The following NSUN7 variants were observed in gnomAD, a reference collection of about 807,000 sequenced individuals.
The protein encoded by NSUN7 is protein NSUN7.
A neutral mutation model predicts 58.5 loss-of-function variants in NSUN7; 39 were observed. The ratio of observed to expected loss-of-function variants is 0.67; its 90% confidence interval spans 0.52 to 0.87. NSUN7 has a LOEUF of 0.87. Ranked by LOEUF, NSUN7 falls within the 40% of genes least tolerant of loss-of-function variation. The pLI, the probability that NSUN7 is intolerant of heterozygous loss-of-function variation, is 0.00. For missense variants in NSUN7, 765 were observed against 844.1 expected, an observed-to-expected ratio of 0.91 and a Z score of 1.16; for synonymous variants, 278 against 303.7, an observed-to-expected ratio of 0.92 and a Z score of 0.88.
At chr4:40,799,032 G>A in intron 10 of NSUN7, 128 bp downstream of exon 10, 1 of 241,970 alleles carries the variant, frequency 4.1e-6, no homozygotes, top group Non-Finnish European at 7.4e-6. Context: ...AAAATTGCCT[G>A]ACTTCTTACA....
rs550187000 is a variant in NSUN7, at chr4:40,755,364, A to G, written c.298+4373A>G. On this transcript the variant is annotated intron_variant, in intron 2 of 11. Transcript: ENST00000381782. ...CGGCCTCCCAAAATGCTGGGATTAC[A>G]GGCGTGAGCCACCGTGCCTGGCCTA... is the stretch of plus-strand genomic sequence containing the variant. Among the ~76,000 whole-genome samples, 4 of 152,296 alleles carry G rather than the reference A, an allele frequency of 2.6e-5. No individual in the cohort carries two copies. In the South Asian group the frequency reaches 8.3e-4, roughly 32 times the overall value.
chr4:40,780,994 T>G (rs906842841), intron 7 of NSUN7, among the ~76,000 whole-genome samples: 1 of 150,944 alleles, frequency 6.6e-6, no homozygotes, highest in Non-Finnish European at 1.5e-5. Context: ...TTTTTTGTAT[T>G]TTTTTAGTAG....
At chr4:40,792,189 GA>G (rs1293619913) in intron 8 of NSUN7, among the ~76,000 whole-genome samples, 1 of 151,844 alleles carries the variant, frequency 6.6e-6, no homozygotes, top group African/African-American at 2.4e-5. Context: ...AAGGGGGAAG[GA>G]AAAAAGGGGG....
Position 40,809,728 on chromosome 4 carries a change from TTTCTGA to T in NSUN7, c.*794_*799del, listed in dbSNP as rs1744086826. 1.3e-5 allele frequency: 2 copies of T among 152,076 alleles called. No individual in the cohort carries two copies. The highest frequency in any genetic ancestry group is 1.3e-4 in the Admixed American group (2 of 15,254). The allele number at this position is 152,076 out of a possible 1,614,324, so 9.4% of individuals were successfully genotyped here. On this transcript the variant is annotated 3_prime_UTR_variant, in exon 12 of 12. Transcript: ENST00000381782. ...ACCTATTGTTGAAGAAACCCACAAA[TTTCTGA>T]TTCTAAGATCAGGGGATACAACAAA...
intron 5 of NSUN7, 90 bp downstream of exon 5, chr4:40,774,507 G>T (rs878873824): frequency 7.7e-7 from 1 of 1,306,094 alleles, no homozygotes. Context: ...AGAGGTGGGG[G>T]TGGCACATCT....
intron 7 of NSUN7, among the ~76,000 whole-genome samples, chr4:40,780,581 T>C (rs1742480965): frequency 6.7e-6 from 1 of 149,778 alleles, no homozygotes; most frequent in South Asian, 2.1e-4. Flanking sequence ...CGCTCTAACC[T>C]GAGTGACAGA....
Position 40,760,152 on chromosome 4 carries a change from C to T in NSUN7, c.299-282C>T, listed in dbSNP as rs556340328. Among the ~76,000 whole-genome samples the T allele has an allele frequency of 3.9e-5, 6 of 152,230 alleles. No homozygotes were observed. In the South Asian group the frequency reaches 1.0e-3, roughly 26 times the overall value. The stretch of plus-strand genomic sequence containing the variant: ...ATCCTCTTTAATATTTTTCAAAGGC[C>T]ATACATTAAAGATTGGAATCCTTTT... On this transcript the variant is annotated intron_variant, in intron 2 of 11. Transcript: ENST00000381782.
chr4:40,750,748 A>G lies in NSUN7; in HGVS notation c.55A>G (p.Ile19Val), dbSNP rs1473568376. ...TTCGAACGAAGAAGATCCCGAGATC[A>G]TCTCCCAACTCACTTCCCTGCCTCT... is the stretch of plus-strand genomic sequence containing the variant. ...EFSNEEDPEI[I>V]SQLTSLPLSG... Residue 19 changes from isoleucine to valine, a missense_variant, in exon 2 of 12, where the codon ATC (isoleucine) becomes GTC (valine). Physicochemically the swap from Ile to Val is conservative, Grantham distance 29 (BLOSUM62 3). Coordinates refer to ENST00000381782, the MANE Select transcript of NSUN7 (RefSeq NM_024677.6). 2 of 1,614,142 alleles carry G rather than the reference A, an allele frequency of 1.2e-6. No individual in the cohort carries two copies. The highest frequency in any genetic ancestry group is 1.7e-6 in the Non-Finnish European group (2 of 1,179,994).
chr4:40,777,653 C>T (rs2154287809), intron 7 of NSUN7, among the ~76,000 whole-genome samples: 1 of 152,348 alleles, frequency 6.6e-6, no homozygotes, highest in South Asian at 2.1e-4. Flanking sequence ...ATATCTACCA[C>T]TCAATTTTAT....
In NSUN7 at chr4:40,808,582, C is replaced by G. The variant is rs747062722; in HGVS notation, c.1800C>G (p.Ser600=). 2 of 1,551,544 alleles carry G rather than the reference C, an allele frequency of 1.3e-6. No individual in the cohort carries two copies. The highest frequency in any genetic ancestry group is 1.4e-5 in the African/African-American group (1 of 72,966). The change falls in exon 12 of 12, where the codon TCC becomes TCG. Residue 600 remains serine, a synonymous_variant. Transcript: ENST00000381782. The part of the protein sequence containing the change: ...PQKNTAQVGA[S]SQTRKPNKLA... Reference sequence around the variant, plus strand: ...AAAATACTGCTCAAGTGGGGGCTTCCTCACAGACCAGAAAACCCAACAAGC... The same window carrying G: ...AAAATACTGCTCAAGTGGGGGCTTCGTCACAGACCAGAAAACCCAACAAGC...
chr4:40,806,508 T>G (rs1288151742), intron 10 of NSUN7, among the ~76,000 whole-genome samples: 2 of 152,168 alleles, frequency 1.3e-5, no homozygotes, highest in Non-Finnish European at 2.9e-5. Flanking sequence ...GATTTGAGAT[T>G]TTTCTGACAC....
Position 40,808,946 on chromosome 4 carries a change from T to C in NSUN7, c.*7T>C. On this transcript the variant is annotated 3_prime_UTR_variant, in exon 12 of 12. Coordinates refer to ENST00000381782, the MANE Select transcript of NSUN7 (RefSeq NM_024677.6). ...TCCTCGGCGATGGCTTTGATTGTCTTGTGTTTTTTATAGGGGCCAAAGAGC... is the reference window on the plus strand; with the variant it reads ...TCCTCGGCGATGGCTTTGATTGTCTCGTGTTTTTTATAGGGGCCAAAGAGC... 6.6e-7 allele frequency: 1 copy of C among 1,505,946 alleles called. No individual in the cohort carries two copies. The highest frequency in any genetic ancestry group is 1.2e-5 in the South Asian group (1 of 80,794). The allele number at this position is 1,505,946 out of a possible 1,614,324, so 93.3% of individuals were successfully genotyped here.
chr4:40,795,451 A>G (rs1198979416), intron 9 of NSUN7, among the ~76,000 whole-genome samples: 1 of 152,246 alleles, frequency 6.6e-6, no homozygotes, highest in Non-Finnish European at 1.5e-5. Context: ...TTGGTAAATA[A>G]TAAGCCTTTT....
At chr4:40,771,118 A>G (rs1741989447) in intron 4 of NSUN7, among the ~76,000 whole-genome samples, 1 of 152,190 alleles carries the variant, frequency 6.6e-6, no homozygotes, top group African/African-American at 2.4e-5. Flanking sequence ...CAACTGACAG[A>G]TTCTGCAAAA....
In NSUN7 at chr4:40,808,491, T is replaced by C; in HGVS notation, c.1709T>C (p.Leu570Pro). ...ATCCAAATGAAAATTGCTGAGTTCC[T>C]GAATCGAGAAACTAAAGCCAGTGCT... ...NGIQMKIAEFLNRETKASANL... is the reference protein window; with the variant it reads ...NGIQMKIAEFPNRETKASANL... The change falls in exon 12 of 12, where the codon CTG (leucine) becomes CCG (proline). Residue 570 changes from leucine (L) to proline (P), a missense_variant. By Grantham distance (98) the Leu-to-Pro change is moderately conservative (BLOSUM62 -3). Transcript: ENST00000381782. 1 of 1,562,036 alleles carries C rather than the reference T, an allele frequency of 6.4e-7. No individual in the cohort carries two copies. The highest frequency in any genetic ancestry group is 8.7e-7 in the Non-Finnish European group (1 of 1,151,268).
At chr4:40,761,559 AT>A (rs956806226) in intron 4 of NSUN7, among the ~76,000 whole-genome samples, 14 of 152,162 alleles carry the variant, frequency 9.2e-5, no homozygotes, top group African/African-American at 3.4e-4. Context: ...ATTCTCAATA[AT>A]TTTTAGCACA....
At chr4:40,803,861 G>A (rs1374738364) in intron 10 of NSUN7, among the ~76,000 whole-genome samples, 1 of 152,090 alleles carries the variant, frequency 6.6e-6, no homozygotes, top group Non-Finnish European at 1.5e-5. Context: ...TTGAAAATCA[G>A]TTAGTTAATC....
chr4:40,780,388 G>A (rs764823121), intron 7 of NSUN7, among the ~76,000 whole-genome samples: 2 of 151,998 alleles, frequency 1.3e-5, no homozygotes, highest in Admixed American at 6.6e-5. Context: ...CAGGTGGATT[G>A]CTTGAGCCCA....
chr4:40,773,017 C>G (rs978078867), intron 4 of NSUN7: 1 of 152,168 alleles, frequency 6.6e-6, no homozygotes, highest in African/African-American at 2.4e-5. Context: ...GTGATGCTAA[C>G]CAGTTCTTGT....
Sources: allele counts gnomAD v4.1 joint callset (sites outside exome capture counted in the v4.1 genomes callset), GRCh38; gene constraint gnomAD v4.1.1; transcripts MANE v1.5; gene names NCBI Gene and HGNC (gene_info 2026-07-23, HGNC 2026-07-21).